Variants in LMBR1 observed in about 807,000 individuals in gnomAD.
The protein encoded by LMBR1 is limb development membrane protein 1.
Under a neutral mutation model 73.9 loss-of-function variants are expected in LMBR1, and 52 were observed. The ratio of observed to expected loss-of-function variants is 0.70; its 90% CI spans 0.56 to 0.89. LMBR1 has a LOEUF of 0.89. Among genes scored for constraint, LMBR1 ranks in the 40% least tolerant of loss-of-function variants. LMBR1 has a pLI of 0.00. For synonymous variants in LMBR1, 215 were observed against 209.4 expected, an observed-to-expected ratio of 1.03 and a Z score of -0.23; for missense variants, 539 against 579.8, an observed-to-expected ratio of 0.93 and a Z score of 0.72.
chr7:156,798,835 A>G (rs1315553276), intron 4 of LMBR1, among the ~76,000 whole-genome samples: 1 of 152,142 alleles, frequency 6.6e-6, no homozygotes, highest in African/African-American at 2.4e-5. Flanking sequence ...AATTATATTC[A>G]TTTTACACAA....
Position 156,866,759 on chromosome 7 carries a change from G to A in LMBR1, c.66+26169C>T, listed in dbSNP as rs528041018. 7.2e-5 allele frequency among the ~76,000 whole-genome samples: 11 copies of A among 151,942 alleles called. No homozygotes were observed. The East Asian group carries it at 1.9e-3, about 27-fold the overall frequency. ...GCTGAGATTATGGGCGCCCGCCACT[G>A]CACCCAGCTAAATTTTGTATTTTTA... is the stretch of plus-strand genomic sequence containing the variant. On this transcript the variant is annotated intron_variant, in intron 1 of 16. Coordinates refer to ENST00000353442, the MANE Select transcript of LMBR1 (RefSeq NM_022458.4).
At chr7:156,849,494 GTTAAAAA>G (rs1795958451) in intron 1 of LMBR1, among the ~76,000 whole-genome samples, 1 of 152,058 alleles carries the variant, frequency 6.6e-6, no homozygotes, top group Non-Finnish European at 1.5e-5. Flanking sequence ...CTAAATAAAA[GTTAAAAA>G]TTAAAAGAGC....
chr7:156,738,185 C>T (rs1818246967), intron 9 of LMBR1, among the ~76,000 whole-genome samples: 2 of 152,050 alleles, frequency 1.3e-5, no homozygotes, highest in African/African-American at 4.8e-5. Context: ...AGGGAGAGCA[C>T]AACAAATGGG....
At chr7:156,762,255 A>C (rs1823199683) in intron 7 of LMBR1, 57 bp from the exon 8 acceptor site, 1 of 1,088,844 alleles carries the variant, frequency 9.2e-7, no homozygotes, top group African/African-American at 1.6e-5. Context: ...TTGGAGAAAG[A>C]GATAAACAAC....
chr7:156,672,711 G>T (rs1386035015), intron 4 of LMBR1, among the ~76,000 whole-genome samples: 1 of 152,202 alleles, frequency 6.6e-6, no homozygotes, highest in Admixed American at 6.5e-5. Context: ...TAACATAAAT[G>T]CATATAGATG....
chr7:156,892,599 C>T, intron 1 of LMBR1: 1 of 229,714 alleles, frequency 4.4e-6, no homozygotes, highest in Non-Finnish European at 8.5e-6. Flanking sequence ...CGCAGCCCTC[C>T]CCGCGGGAAG....
At chr7:156,778,455 A>T (rs1404742977) in intron 5 of LMBR1, among the ~76,000 whole-genome samples, 1 of 152,250 alleles carries the variant, frequency 6.6e-6, no homozygotes, top group Non-Finnish European at 1.5e-5. Context: ...TTCTGTGATT[A>T]AATGAGACAA....
intron 15 of LMBR1, among the ~76,000 whole-genome samples, chr7:156,692,438 A>T (rs954091563): frequency 1.5e-4 from 23 of 152,210 alleles, no homozygotes; most frequent in African/African-American, 5.3e-4. Context: ...TATCAATTGG[A>T]GATATACTTA....
intron 5 of LMBR1, among the ~76,000 whole-genome samples, chr7:156,775,318 A>T (rs1039685304): frequency 6.6e-6 from 1 of 152,190 alleles, no homozygotes; most frequent in Non-Finnish European, 1.5e-5. Flanking sequence ...CAGTGAGCCG[A>T]GGTCAAGCCA....
intron 1 of LMBR1, chr7:156,892,707 A>T (rs1183193367): frequency 6.5e-6 from 2 of 308,256 alleles, no homozygotes; most frequent in East Asian, 6.3e-5. Flanking sequence ...GCGGGGGGGC[A>T]GGCAGAGGAA....
chr7:156,714,636 T>C (rs998485345), intron 15 of LMBR1, among the ~76,000 whole-genome samples: 2 of 152,186 alleles, frequency 1.3e-5, no homozygotes, highest in Non-Finnish European at 2.9e-5. Flanking sequence ...AAGATCACAC[T>C]TCCACTGTGC....
At chr7:156,824,475 T>C (rs1835320732) in intron 4 of LMBR1, among the ~76,000 whole-genome samples, 1 of 152,134 alleles carries the variant, frequency 6.6e-6, no homozygotes, top group Admixed American at 6.5e-5. Flanking sequence ...ACCATGAACA[T>C]AATAGCAATG....
chr7:156,728,373 C>G (rs1447034423), intron 11 of LMBR1, among the ~76,000 whole-genome samples: 1 of 152,198 alleles, frequency 6.6e-6, no homozygotes, highest in Non-Finnish European at 1.5e-5. Flanking sequence ...TTATCTGCAA[C>G]ACCTTGTTTT....
intron 1 of LMBR1, among the ~76,000 whole-genome samples, chr7:156,837,889 C>T (rs972454911): frequency 6.6e-6 from 1 of 150,690 alleles, no homozygotes; most frequent in Non-Finnish European, 1.5e-5. Flanking sequence ...CAGATTCAAG[C>T]GATTCTCCCA....
intron 15 of LMBR1, among the ~76,000 whole-genome samples, chr7:156,716,186 T>A (rs1004518898): frequency 6.6e-6 from 1 of 152,184 alleles, no homozygotes; most frequent in Non-Finnish European, 1.5e-5. Context: ...TGCAAGACTC[T>A]GAGACACCTT....
chr7:156,721,188 A>T (rs1300796250), intron 15 of LMBR1, among the ~76,000 whole-genome samples: 2 of 152,106 alleles, frequency 1.3e-5, no homozygotes, highest in African/African-American at 2.4e-5. Flanking sequence ...TTATAGAAAG[A>T]GCTTCCAAGA....
At chr7:156,846,731 C>T (rs968357654) in intron 1 of LMBR1, among the ~76,000 whole-genome samples, 16 of 152,064 alleles carry the variant, frequency 1.1e-4, no homozygotes, top group African/African-American at 3.9e-4. Flanking sequence ...GAATAGTCAA[C>T]ACAATATTGA....
intron 1 of LMBR1, among the ~76,000 whole-genome samples, chr7:156,846,492 T>G (rs1321870493): frequency 1.3e-5 from 2 of 152,126 alleles, no homozygotes; most frequent in Non-Finnish European, 2.9e-5. Context: ...TATCAAAATA[T>G]GTACAGAATC....
In LMBR1 at chr7:156,725,784, C is replaced by T. The variant is rs777526813; in HGVS notation, c.1047G>A (p.Ala349=). ...GATACAAAATCAAAATGATTTCAAG[C>T]GCAGCTCCCACAAAACCAAACGTAG... is the stretch of plus-strand genomic sequence containing the variant. ...SLSTFGFVGA[A]LEIILIFYLM... is the part of the protein sequence containing the mutation. The change falls in exon 13 of 17, where the codon GCG becomes GCA. Residue 349 remains alanine, a synonymous_variant. Transcript: ENST00000353442. 1.7e-5 allele frequency: 28 copies of T among 1,613,494 alleles called. No homozygotes were observed. The highest frequency in any genetic ancestry group is 3.3e-5 in the South Asian group (3 of 90,998).
Sources: gnomAD v4.1 joint callset for allele counts (sites outside exome capture counted in the v4.1 genomes callset) on GRCh38, gnomAD v4.1.1 for gene constraint, MANE v1.5 for transcripts, NCBI Gene and HGNC (gene_info 2026-07-23, HGNC 2026-07-21) for gene names.